FANCC: variants seen among roughly 807,000 people sequenced by gnomAD.
FANCC encodes the protein Fanconi anemia group C protein.
In FANCC, 55 loss-of-function variants were observed where a neutral mutation model predicts 71.3. The observed-to-expected ratio is 0.77, with a 90% CI of 0.62 to 0.97. The LOEUF (loss-of-function observed/expected upper bound fraction) is 0.97, where lower values mean the gene tolerates loss of function less well. Ranked by LOEUF, FANCC falls within the 50% of genes least tolerant of loss-of-function variation. The pLI, the probability that FANCC is intolerant of heterozygous loss-of-function variation, is 0.00. For missense variants in FANCC, 678 were observed against 670.9 expected, an observed-to-expected ratio of 1.01 and a Z score of -0.12; for synonymous variants, 275 against 244.9, an observed-to-expected ratio of 1.12 and a Z score of -1.15.
At chr9:95,134,229 T>C (rs1827312650) in intron 8 of FANCC, among the ~76,000 whole-genome samples, 1 of 152,108 alleles carries the variant, frequency 6.6e-6, no homozygotes, top group African/African-American at 2.4e-5. Flanking sequence ...ACTGATTCCA[T>C]TAGGATTCCC....
At chr9:95,313,038 T>C (rs531857122) in intron 1 of FANCC, among the ~76,000 whole-genome samples, 5 of 152,292 alleles carry the variant, frequency 3.3e-5, no homozygotes, top group East Asian at 1.9e-4. Context: ...CAGTTGACCA[T>C]TGGGTGCAGC....
chr9:95,119,599 C>T (rs376633640), intron 10 of FANCC, among the ~76,000 whole-genome samples: 57 of 152,194 alleles, frequency 3.7e-4, no homozygotes, highest in African/African-American at 1.2e-3. Flanking sequence ...CTCTTGAACT[C>T]GTGATCCACC....
intron 13 of FANCC, among the ~76,000 whole-genome samples, chr9:95,108,779 CTT>C (rs1491224676): frequency 1.3e-5 from 2 of 152,162 alleles, no homozygotes; most frequent in Non-Finnish European, 2.9e-5. Context: ...TTATATACTT[CTT>C]GTCTTTTTTC....
At chr9:95,232,410 G>C (rs1403587590) in intron 4 of FANCC, among the ~76,000 whole-genome samples, 1 of 152,138 alleles carries the variant, frequency 6.6e-6, no homozygotes, top group African/African-American at 2.4e-5. Context: ...ATTAACTGAG[G>C]CTGGGAAGAA....
intron 6 of FANCC, among the ~76,000 whole-genome samples, chr9:95,161,454 A>C (rs1374199879): frequency 6.6e-6 from 1 of 152,214 alleles, no homozygotes; most frequent in Non-Finnish European, 1.5e-5. Flanking sequence ...AGAGACTAAC[A>C]AGGAATCCCA....
chr9:95,187,520 A>C (rs1171728036), intron 4 of FANCC, among the ~76,000 whole-genome samples: 1 of 152,226 alleles, frequency 6.6e-6, no homozygotes, highest in African/African-American at 2.4e-5. Flanking sequence ...TGTCATGTAC[A>C]GAGACCTCAA....
intron 3 of FANCC, among the ~76,000 whole-genome samples, chr9:95,243,054 T>G (rs1303850472): frequency 1.3e-5 from 2 of 152,220 alleles, no homozygotes; most frequent in South Asian, 4.1e-4. Context: ...ATATCTGGAA[T>G]TGAAATTCTA....
At position 95,099,409 on chromosome 9, in the gene FANCC, G is replaced by A. The variant is rs918489083; in HGVS notation, c.*2298C>T. 8.8e-5 allele frequency: 20 copies of A among 226,742 alleles called. No individual in the cohort carries two copies. Among genetic ancestry groups the A allele is most frequent in the African/African-American group, 2.0e-4 (9 of 44,332 alleles). The allele number at this position is 226,742 out of a possible 1,614,324, so 14.0% of individuals were successfully genotyped here. On this transcript the variant is annotated 3_prime_UTR_variant, in exon 15 of 15. Transcript: ENST00000289081. The stretch of plus-strand genomic sequence containing the variant: ...GCCCCTGTGCCCAGGCCCCGCCAAC[G>A]CCGTCAAGGCCCCCTCGGCCACGCC...
chr9:95,135,558 G>A (rs1239513105), intron 7 of FANCC, 56 bp from the exon 8 acceptor site: 1 of 1,544,736 alleles, frequency 6.5e-7, no homozygotes, highest in Admixed American at 1.8e-5. Context: ...GAAAAAAGAA[G>A]ATTAAAAAAA....
At chr9:95,137,853 T>C (rs1724720685) in intron 7 of FANCC, among the ~76,000 whole-genome samples, 1 of 152,098 alleles carries the variant, frequency 6.6e-6, no homozygotes, top group South Asian at 2.1e-4. Context: ...AAGGGGCGAA[T>C]GAACCCTGAG....
intron 3 of FANCC, among the ~76,000 whole-genome samples, chr9:95,244,116 T>C (rs1213358656): frequency 6.6e-6 from 1 of 152,212 alleles, no homozygotes; most frequent in African/African-American, 2.4e-5. Context: ...GACACCAGAA[T>C]AAATCAGTCT....
intron 6 of FANCC, among the ~76,000 whole-genome samples, chr9:95,168,979 T>G (rs1281843510): frequency 6.6e-6 from 1 of 152,200 alleles, no homozygotes; most frequent in Non-Finnish European, 1.5e-5. Context: ...GGTTGTCAGA[T>G]CAACTGTCAC....
chr9:95,145,502 G>A (rs557588568), intron 7 of FANCC: 38 of 152,242 alleles, frequency 2.5e-4, no homozygotes, highest in African/African-American at 8.2e-4. Flanking sequence ...CAACAACACT[G>A]GGTGTCTTCC....
chr9:95,106,092 T>C (rs1183597236), intron 14 of FANCC, among the ~76,000 whole-genome samples: 1 of 152,208 alleles, frequency 6.6e-6, no homozygotes, highest in Non-Finnish European at 1.5e-5. Context: ...CCGGGAAGCA[T>C]ATGAGTGTTC....
Position 95,126,525 on chromosome 9 carries a change from T to C in FANCC, c.896+4A>G. 6.2e-7 allele frequency: 1 copy of C among 1,613,784 alleles called. No homozygotes were observed. The highest frequency in any genetic ancestry group is 8.5e-7 in the Non-Finnish European group (1 of 1,179,722). On this transcript the variant is annotated splice_donor_region_variant and intron_variant, in intron 9 of 14. Transcript: ENST00000289081. The stretch of plus-strand genomic sequence containing the variant: ...ATTACTAGAAGAAACAGTGTAACGT[T>C]TACCTGAACATCTCATCAACAACCC...
At chr9:95,221,921 A>G (rs553501913) in intron 4 of FANCC, among the ~76,000 whole-genome samples, 16 of 152,272 alleles carry the variant, frequency 1.1e-4, no homozygotes, top group Non-Finnish European at 7.3e-5. Flanking sequence ...GAGAATGTAA[A>G]CCATTTGGCA....
chr9:95,130,670 G>A (rs1826756543), intron 8 of FANCC, among the ~76,000 whole-genome samples: 2 of 152,144 alleles, frequency 1.3e-5, no homozygotes, highest in Admixed American at 6.5e-5. Flanking sequence ...CCCAGCAGCC[G>A]GACAATCCCG....
intron 7 of FANCC, among the ~76,000 whole-genome samples, chr9:95,138,507 G>A (rs1588143858): frequency 6.6e-6 from 1 of 152,224 alleles, no homozygotes; most frequent in Non-Finnish European, 1.5e-5. Flanking sequence ...CTCTGAATAG[G>A]AGAGTTCGCC....
chr9:95,184,543 G>GT (rs752413428), intron 4 of FANCC, among the ~76,000 whole-genome samples: 19 of 152,208 alleles, frequency 1.2e-4, no homozygotes, highest in Admixed American at 3.9e-4. Context: ...AAAAATACAT[G>GT]TGAAAGGTCT....
Sources: gnomAD v4.1 joint callset for allele counts (sites outside exome capture counted in the v4.1 genomes callset) on GRCh38, gnomAD v4.1.1 for gene constraint, MANE v1.5 for transcripts, NCBI Gene and HGNC (gene_info 2026-07-23, HGNC 2026-07-21) for gene names.